The following ARL8B variants were observed in gnomAD, a reference collection of about 807,000 sequenced individuals.
The protein encoded by ARL8B is ADP-ribosylation factor-like protein 8B.
A neutral mutation model predicts 30.6 loss-of-function variants in ARL8B; 9 were observed. The ratio of observed to expected loss-of-function variants is 0.29; its 90% CI spans 0.18 to 0.51. The LOEUF (loss-of-function observed/expected upper bound fraction) is 0.51. Ranked by LOEUF, ARL8B falls within the 20% of genes least tolerant of loss-of-function variation. The pLI, the probability that ARL8B is intolerant of heterozygous loss-of-function variation, is 0.97. For synonymous variants in ARL8B, 74 were observed against 76.0 expected (o/e 0.97, Z 0.14); for missense variants, 130 against 227.2 (o/e 0.57, Z 2.75).
At chr3:5,150,723 C>T (rs990342613) in intron 1 of ARL8B, among the ~76,000 whole-genome samples, 1 of 152,216 alleles carries the variant, frequency 6.6e-6, no homozygotes. Context: ...GGGAAGCTTG[C>T]AGTGAGCCAG....
chr3:5,154,989 C>T (rs1402570445), intron 1 of ARL8B, among the ~76,000 whole-genome samples: 1 of 152,228 alleles, frequency 6.6e-6, no homozygotes, highest in East Asian at 1.9e-4. Context: ...CCCACTTCAG[C>T]CTCCCAAAGT....
At chr3:5,141,211 C>T (rs2054370771) in intron 1 of ARL8B, among the ~76,000 whole-genome samples, 1 of 152,200 alleles carries the variant, frequency 6.6e-6, no homozygotes, top group African/African-American at 2.4e-5. Context: ...TGGTTTATTA[C>T]ATCCACAGGC....
chr3:5,153,049 G>A (rs1009580217), intron 1 of ARL8B, among the ~76,000 whole-genome samples: 1 of 151,928 alleles, frequency 6.6e-6, no homozygotes, highest in Non-Finnish European at 1.5e-5. Context: ...TCTCTATTGG[G>A]GTTTTGACTG....
chr3:5,132,168 T>A (rs891821390), intron 1 of ARL8B, among the ~76,000 whole-genome samples: 2 of 152,214 alleles, frequency 1.3e-5, no homozygotes, highest in African/African-American at 2.4e-5. Context: ...AGTACAGGCA[T>A]GAGCCTGTAC....
intron 1 of ARL8B, among the ~76,000 whole-genome samples, chr3:5,124,843 C>A (rs1300888596): frequency 6.6e-6 from 1 of 152,104 alleles, no homozygotes; most frequent in Non-Finnish European, 1.5e-5. Flanking sequence ...TTTCTCATAT[C>A]CCCTTGAGAT....
intron 1 of ARL8B, among the ~76,000 whole-genome samples, chr3:5,147,460 A>G (rs1053230623): frequency 5.9e-5 from 9 of 151,944 alleles, no homozygotes; most frequent in East Asian, 1.9e-4. Flanking sequence ...TCTTTTTTCT[A>G]TTCAGGACAT....
chr3:5,132,349 G>A (rs1327640416), intron 1 of ARL8B, among the ~76,000 whole-genome samples: 1 of 151,846 alleles, frequency 6.6e-6, no homozygotes, highest in African/African-American at 2.4e-5. Flanking sequence ...CCGCCTCCCT[G>A]GTTCAAGTGA....
chr3:5,174,317 G>T (rs768118428), intron 5 of ARL8B, 27 bp from the exon 6 acceptor site: 4 of 1,492,818 alleles, frequency 2.7e-6, no homozygotes, highest in Non-Finnish European at 2.8e-6. Flanking sequence ...TCTAAGCACA[G>T]ACTTATCCTT....
intron 1 of ARL8B, among the ~76,000 whole-genome samples, chr3:5,159,885 AAAGTT>A (rs775971892): frequency 5.3e-5 from 8 of 152,284 alleles, no homozygotes; most frequent in East Asian, 3.9e-4. Flanking sequence ...ACTTCTAAAT[AAAGTT>A]ATTTTCTTAA....
intron 1 of ARL8B, chr3:5,156,818 A>C (rs75121685): frequency 1.3e-5 from 2 of 152,166 alleles, no homozygotes; most frequent in Admixed American, 6.6e-5. Context: ...TGAAATCCTG[A>C]CCTCAAGTGA....
intron 1 of ARL8B, among the ~76,000 whole-genome samples, chr3:5,159,762 GT>G (rs541015933): frequency 8.0e-5 from 12 of 150,690 alleles, no homozygotes; most frequent in African/African-American, 1.5e-4. Context: ...CTTTTTTACA[GT>G]TTTTTTTTAT....
intron 3 of ARL8B, among the ~76,000 whole-genome samples, 167 bp downstream of exon 3, chr3:5,172,390 A>G (rs1258147953): frequency 6.6e-6 from 1 of 152,254 alleles, no homozygotes; most frequent in African/African-American, 2.4e-5. Flanking sequence ...AAAATTAATC[A>G]TAGAATAAGA....
At chr3:5,145,417 T>G (rs1351958471) in intron 1 of ARL8B, among the ~76,000 whole-genome samples, 1 of 152,208 alleles carries the variant, frequency 6.6e-6, no homozygotes, top group Non-Finnish European at 1.5e-5. Context: ...AAAGGATAGC[T>G]TTCGACTCTC....
intron 6 of ARL8B, among the ~76,000 whole-genome samples, chr3:5,175,401 T>G (rs1208842606): frequency 6.6e-6 from 1 of 152,194 alleles, no homozygotes; most frequent in Non-Finnish European, 1.5e-5. Flanking sequence ...GCAGAGCTAG[T>G]ATCCCGCTGT....
chr3:5,128,682 T>C (rs1165097312), intron 1 of ARL8B: 1 of 241,564 alleles, frequency 4.1e-6, no homozygotes, highest in Non-Finnish European at 8.2e-6. Context: ...AAATTTTTTT[T>C]GTGTTATCAA....
At position 5,128,880 on chromosome 3, in the gene ARL8B, G is replaced by A. The variant is rs539534727; in HGVS notation, c.123+6292G>A. ...TATTACTTATAATGCTTTATATTCTGGTTTAATTGTTACAGTGTATGCATT... is the reference window on the plus strand; with the variant it reads ...TATTACTTATAATGCTTTATATTCTAGTTTAATTGTTACAGTGTATGCATT... On this transcript the variant is annotated intron_variant, in intron 1 of 6. Coordinates refer to ENST00000256496, the MANE Select transcript of ARL8B (RefSeq NM_018184.3). 2.6e-5 allele frequency among the ~76,000 whole-genome samples: 4 copies of A among 152,104 alleles called. No individual in the cohort carries two copies. The East Asian group carries it at 7.8e-4, about 29-fold the overall frequency.
Position 5,137,868 on chromosome 3 carries a change from A to T in ARL8B, c.123+15280A>T, listed in dbSNP as rs569726290. Reference sequence around the variant, plus strand: ...CTCCCAAAGTGCTAGGATTACAGGCACGAGCCACTGTGCCTAGCCTGGTTT... The same window carrying T: ...CTCCCAAAGTGCTAGGATTACAGGCTCGAGCCACTGTGCCTAGCCTGGTTT... On this transcript the variant is annotated intron_variant, in intron 1 of 6. Transcript: ENST00000256496. Among the ~76,000 whole-genome samples the T allele has an allele frequency of 6.6e-5, 10 of 152,224 alleles. No individual in the cohort carries two copies. The South Asian group carries it at 1.2e-3, about 19-fold the overall frequency.
chr3:5,170,389 C>A, intron 1 of ARL8B, 114 bp from the exon 2 acceptor site: 1 of 587,064 alleles, frequency 1.7e-6, no homozygotes. Context: ...TAGATTGTTA[C>A]CAATGGTAAA....
At chr3:5,170,311 A>G (rs919339641) in intron 1 of ARL8B, among the ~76,000 whole-genome samples, 192 bp from the exon 2 acceptor site, 2 of 152,256 alleles carry the variant, frequency 1.3e-5, no homozygotes, top group African/African-American at 2.4e-5. Context: ...ATGGAAGAAT[A>G]TATCTTTGTT....
Sources: allele counts gnomAD v4.1 joint callset (sites outside exome capture counted in the v4.1 genomes callset), GRCh38; gene constraint gnomAD v4.1.1; transcripts MANE v1.5; gene names NCBI Gene and HGNC (gene_info 2026-07-23, HGNC 2026-07-21).